CLN5: variants seen among roughly 807,000 people sequenced by gnomAD.
The protein encoded by CLN5 is CLN5 lysosomal BMP synthase.
CLN5 carries 34 observed loss-of-function variants against 36.7 expected under a neutral mutation model. The observed-to-expected ratio is 0.93, with a 90% CI of 0.71 to 1.23. The LOEUF is 1.23. CLN5 is among the 50% of genes most tolerant of loss of function. The pLI is 0.00. For missense variants in CLN5, 427 were observed against 439.4 expected, an observed-to-expected ratio of 0.97 and a Z score of 0.25; for synonymous variants, 151 against 155.1, an observed-to-expected ratio of 0.97 and a Z score of 0.20.
chr13:77,000,432 G>A, intron 3 of CLN5, 26 bp from the exon 4 acceptor site: 21 of 1,602,370 alleles, frequency 1.3e-5, no homozygotes, highest in Non-Finnish European at 1.8e-5. Flanking sequence ...TTCACTAGGT[G>A]ACTTTGTTTT....
At chr13:76,996,492 A>C in intron 3 of CLN5, 1 of 254,296 alleles carries the variant, frequency 3.9e-6, no homozygotes. Context: ...AATCATTCTT[A>C]TGCCTTTGCA....
At chr13:76,993,364 CTT>C (rs1314256594) in intron 1 of CLN5, 1 of 152,144 alleles carries the variant, frequency 6.6e-6, no homozygotes, top group Non-Finnish European at 1.5e-5. Context: ...GTTTACAACA[CTT>C]TTTTGTTTTG....
chr13:76,995,518 C>CA (rs1022339996), intron 2 of CLN5: 5 of 502,688 alleles, frequency 9.9e-6, no homozygotes, highest in Non-Finnish European at 1.8e-5. Flanking sequence ...AGGCAGGTAA[C>CA]ACCTCTTGAT....
At position 77,004,470 on chromosome 13, in the gene CLN5, T is replaced by C. The variant is rs2034417081; in HGVS notation, c.*3501T>C. 6.6e-6 allele frequency: 1 copy of C among 152,236 alleles called. No homozygotes were observed. Among genetic ancestry groups the C allele is most frequent in the Non-Finnish European group, 1.5e-5 (1 of 68,038 alleles). The allele number at this position is 152,236 out of a possible 1,614,324, so 9.4% of individuals were successfully genotyped here. A position where few individuals can be genotyped will look rare whatever the true frequency, so the allele number is the denominator to read the frequency against. On this transcript the variant is annotated 3_prime_UTR_variant, in exon 4 of 4. Transcript: ENST00000377453. ...TAAAACAAGTTAGGATTATTTATCC[T>C]TTTATTGGACTGATTATTCTAAGGA...
chr13:77,000,331 G>C, intron 3 of CLN5, 127 bp from the exon 4 acceptor site: 1 of 828,032 alleles, frequency 1.2e-6, no homozygotes, highest in Non-Finnish European at 1.8e-6. Flanking sequence ...GCTGCAGTGA[G>C]CTGTGATGTT....
Position 77,003,356 on chromosome 13 carries a change from A to C in CLN5, c.*2387A>C, listed in dbSNP as rs1238879603. ...TTTTTCATTGTTCCTAAGAATCTTA[A>C]TTAAATGAAGACAGAAAGCATCATA... is the stretch of plus-strand genomic sequence containing the variant. On this transcript the variant is annotated 3_prime_UTR_variant, in exon 4 of 4. Transcript: ENST00000377453. 1 of 152,184 alleles carries C rather than the reference A, an allele frequency of 6.6e-6. No homozygotes were observed. Among genetic ancestry groups the C allele is most frequent in the Non-Finnish European group, 1.5e-5 (1 of 68,042 alleles). The allele number at this position is 152,184 out of a possible 1,614,324, so 9.4% of individuals were successfully genotyped here.
At position 76,994,788 on chromosome 13, in the gene CLN5, T is replaced by C. The variant is rs546659319; in HGVS notation, c.174-275T>C. On this transcript the variant is annotated intron_variant, in intron 1 of 3. Transcript: ENST00000377453. ...AAATGTCTACTATGATCTGGAGCTA[T>C]AAAAATTTTAAGACAAAATTCCTGT... 15 of 368,412 alleles carry C rather than the reference T, an allele frequency of 4.1e-5. No homozygotes were observed. In the South Asian group the frequency reaches 4.9e-4, roughly 12 times the overall value. The allele number at this position is 368,412 out of a possible 1,614,324, so 22.8% of individuals were successfully genotyped here. A position where few individuals can be genotyped will look rare whatever the true frequency, so the allele number is the denominator to read the frequency against.
rs2034421315 is a variant in CLN5, at chr13:77,004,723, A to T, written c.*3754A>T. 1 of 152,114 alleles carries T rather than the reference A, an allele frequency of 6.6e-6. No homozygotes were observed. The highest frequency in any genetic ancestry group is 2.4e-5 in the African/African-American group (1 of 41,422). 9.4% of individuals were successfully genotyped at this position (152,114 alleles called of 1,614,324 possible). A position where few individuals can be genotyped will look rare whatever the true frequency, so the allele number is the denominator to read the frequency against. ...TTTAAAGGACCTAGTGGAGGCTTGAACCTTCTTCACATGAACGTCTTCCTT... is the reference window on the plus strand; with the variant it reads ...TTTAAAGGACCTAGTGGAGGCTTGATCCTTCTTCACATGAACGTCTTCCTT... On this transcript the variant is annotated 3_prime_UTR_variant, in exon 4 of 4. Transcript: ENST00000377453.
In CLN5 at chr13:77,001,146, A is replaced by G; in HGVS notation, c.*177A>G. 1.8e-6 allele frequency: 1 copy of G among 565,414 alleles called. No individual in the cohort carries two copies. Among genetic ancestry groups the G allele is most frequent in the Non-Finnish European group, 3.0e-6 (1 of 328,904 alleles). The allele number at this position is 565,414 out of a possible 1,614,324, so 35.0% of individuals were successfully genotyped here. A position where few individuals can be genotyped will look rare whatever the true frequency, so the allele number is the denominator to read the frequency against. On this transcript the variant is annotated 3_prime_UTR_variant, in exon 4 of 4. Coordinates refer to ENST00000377453, the MANE Select transcript of CLN5 (RefSeq NM_006493.4). ...ACTCTTCTCTTGTAAAGAAGCTGAAATTCGTACTATATTGGCCAAAGTGAG... is the reference window on the plus strand; with the variant it reads ...ACTCTTCTCTTGTAAAGAAGCTGAAGTTCGTACTATATTGGCCAAAGTGAG...
At chr13:76,997,658 G>A (rs184286347) in intron 3 of CLN5, 14 of 152,254 alleles carry the variant, frequency 9.2e-5, no homozygotes, top group African/African-American at 3.4e-4. Context: ...TGTTGCATTT[G>A]CTTTTGGTGG....
At chr13:76,999,343 G>A (rs1461310188) in intron 3 of CLN5, 3 of 152,184 alleles carry the variant, frequency 2.0e-5, no homozygotes, top group Non-Finnish European at 4.4e-5. Context: ...CAAGATGAGA[G>A]TTGTAACCAT....
In CLN5 at chr13:76,995,220, G is replaced by C; in HGVS notation, c.331G>C (p.Gly111Arg). ...VWEFKYGDLL[G>R]HLKIMHDAIG... Reference sequence around the variant, plus strand: ...GGAATTTAAATATGGAGACCTCCTGGGACACTTGGTAAGGATGCATCTTGG... The same window carrying C: ...GGAATTTAAATATGGAGACCTCCTGCGACACTTGGTAAGGATGCATCTTGG... The change falls in exon 2 of 4, where the codon GGA (glycine) becomes CGA (arginine). Residue 111 changes from glycine (G) to arginine (R), a missense_variant. Transcript: ENST00000377453. The C allele has an allele frequency of 6.2e-7, 1 of 1,613,904 alleles. No homozygotes were observed. The highest frequency in any genetic ancestry group is 1.1e-5 in the South Asian group (1 of 91,072).
At chr13:76,994,346 A>C (rs2154034558) in intron 1 of CLN5, 1 of 152,342 alleles carries the variant, frequency 6.6e-6, no homozygotes, top group South Asian at 2.1e-4. Context: ...TTTCTGTCTT[A>C]ACCTTCTAAT....
In CLN5 at chr13:77,000,933, T is replaced by C. The variant is rs36038805; in HGVS notation, c.1041T>C (p.Pro347=). The change falls in exon 4 of 4, where the codon CCT becomes CCC. Residue 347 remains proline (P), a synonymous_variant. Transcript: ENST00000377453. Reference sequence around the variant, plus strand: ...TTAAAATAACATATGAAGAAATCCCTTTACCTATCAGAAACAAAACACTCT... The same window carrying C: ...TTAAAATAACATATGAAGAAATCCCCTTACCTATCAGAAACAAAACACTCT... ...PFIKITYEEI[P]LPIRNKTLSG... is the part of the protein sequence containing the mutation. 8,276 of 1,603,772 alleles carry C rather than the reference T, an allele frequency of 5.2e-3. 411 individuals carry two copies. In the African/African-American group the frequency reaches 0.099, roughly 19 times the overall value.
rs1012125054 is a variant in CLN5, at chr13:77,004,862, CAATG to C, written c.*3896_*3899del. 1.7e-4 allele frequency: 26 copies of C among 152,040 alleles called. No homozygotes were observed. Among genetic ancestry groups the C allele is most frequent in the African/African-American group, 6.3e-4 (26 of 41,400 alleles). 9.4% of individuals were successfully genotyped at this position (152,040 alleles called of 1,614,324 possible). ...CAAGATAAGTTGAAAGCCAGTAAAA[CAATG>C]AAAATAATTTCAATAGTTGAAAAAC... On this transcript the variant is annotated 3_prime_UTR_variant, in exon 4 of 4. Coordinates refer to ENST00000377453, the MANE Select transcript of CLN5 (RefSeq NM_006493.4).
Position 77,003,564 on chromosome 13 carries a change from G to C in CLN5, c.*2595G>C, listed in dbSNP as rs1229022455. 1.3e-5 allele frequency: 2 copies of C among 152,224 alleles called. No homozygotes were observed. Among genetic ancestry groups the C allele is most frequent in the African/African-American group, 4.8e-5 (2 of 41,456 alleles). The allele number at this position is 152,224 out of a possible 1,614,324, so 9.4% of individuals were successfully genotyped here. A position where few individuals can be genotyped will look rare whatever the true frequency, so the allele number is the denominator to read the frequency against. The stretch of plus-strand genomic sequence containing the variant: ...CGCAGAAATCTGCCAATTAAGTTTT[G>C]CTGCCCTTTGAGCAATATGACTTAA... On this transcript the variant is annotated 3_prime_UTR_variant, in exon 4 of 4. Transcript: ENST00000377453.
intron 3 of CLN5, chr13:76,999,823 T>G (rs1330818310): frequency 1.3e-5 from 2 of 152,218 alleles, no homozygotes; most frequent in Non-Finnish European, 2.9e-5. Context: ...AAAGAGAGCT[T>G]CTGCATTTGT....
intron 3 of CLN5, chr13:76,999,288 G>A (rs574401324): frequency 3.3e-5 from 5 of 152,318 alleles, no homozygotes; most frequent in African/African-American, 1.2e-4. Context: ...CACAGTGACA[G>A]GATGCAGTGT....
chr13:76,994,407 C>T (rs1416008911), intron 1 of CLN5: 1 of 152,406 alleles, frequency 6.6e-6, no homozygotes, highest in Admixed American at 6.5e-5. Context: ...TTTGCCCTCC[C>T]CACCCCATTC....
Sources: allele counts gnomAD v4.1 joint callset, GRCh38; gene constraint gnomAD v4.1.1; transcripts MANE v1.5; gene names NCBI Gene and HGNC (gene_info 2026-07-23, HGNC 2026-07-21).